Variants in PRR33 observed in about 807,000 individuals in gnomAD.
PRR33 encodes the protein proline-rich protein 33.
Under a neutral mutation model 0.5 loss-of-function variants are expected in PRR33, and 1 was observed. That is an observed-to-expected ratio of 2.18 (90% confidence interval 0.77 to 10.34). The LOEUF is 10.34. Ranked by LOEUF, PRR33 falls within the 30% of genes most tolerant of loss-of-function variation. The pLI is 0.13. For synonymous variants in PRR33, 226 were observed against 110.0 expected, an observed-to-expected ratio of 2.06 and a Z score of -6.60; for missense variants, 552 against 251.8, an observed-to-expected ratio of 2.19 and a Z score of -8.07.
upstream of PRR33, among the ~76,000 whole-genome samples, chr11:1,895,191 G>A (rs543768442): frequency 4.8e-4 from 73 of 151,760 alleles, no homozygotes; most frequent in African/African-American, 1.7e-3. Flanking sequence ...GGAGTGCAGT[G>A]GCGCCATCTT....
At chr11:1,915,644 G>T in the PRR33 span, among the ~76,000 whole-genome samples, 1 of 2,506 alleles carries the variant, frequency 4.0e-4, no homozygotes, top group Non-Finnish European at 7.4e-4. Context: ...TGTGTTGTGG[G>T]GGGTGATGTT....
chr11:1,917,664 G>A, the PRR33 span, among the ~76,000 whole-genome samples: 1 of 152,244 alleles, frequency 6.6e-6, no homozygotes, highest in African/African-American at 2.4e-5. Flanking sequence ...GAGGCCGCTG[G>A]TGCCTGCTCT....
chr11:1,916,640 C>T, the PRR33 span, among the ~76,000 whole-genome samples: 3 of 152,278 alleles, frequency 2.0e-5, no homozygotes, highest in South Asian at 4.1e-4. Flanking sequence ...TTGGGGTCAG[C>T]AGTGCTGAGG....
At chr11:1,905,729 C>A in the PRR33 span, among the ~76,000 whole-genome samples, 2 of 151,928 alleles carry the variant, frequency 1.3e-5, no homozygotes, top group South Asian at 4.1e-4. Context: ...GCTGGGATTA[C>A]AGGTGTGAGC....
exon 1 of PRR33, chr11:1,889,683 C>A: frequency 1.6e-6 from 1 of 633,984 alleles, no homozygotes; most frequent in South Asian, 1.9e-5. Flanking sequence ...AGCGGCGGGG[C>A]CAGCCATCGG....
the PRR33 span, among the ~76,000 whole-genome samples, chr11:1,911,925 C>T: frequency 6.9e-6 from 1 of 145,054 alleles, no homozygotes; most frequent in Non-Finnish European, 1.5e-5. Context: ...CTTTGGGAGG[C>T]CGAGCTGGGA....
chr11:1,900,063 A>C, the PRR33 span, among the ~76,000 whole-genome samples: 1 of 151,152 alleles, frequency 6.6e-6, no homozygotes, highest in African/African-American at 2.4e-5. Context: ...ATATATATAA[A>C]ATTTGGATTA....
upstream of PRR33, among the ~76,000 whole-genome samples, chr11:1,894,503 C>T (rs1359675972): frequency 6.6e-6 from 1 of 152,176 alleles, no homozygotes; most frequent in Non-Finnish European, 1.5e-5. Flanking sequence ...TCCCAGAGTG[C>T]TGGGATTACA....
At chr11:1,905,625 G>A in the PRR33 span, among the ~76,000 whole-genome samples, 1 of 150,304 alleles carries the variant, frequency 6.7e-6, no homozygotes, top group South Asian at 2.1e-4. Flanking sequence ...TTTTGGTAGA[G>A]ACGGGGTTTC....
the PRR33 span, among the ~76,000 whole-genome samples, chr11:1,917,123 C>A: frequency 6.6e-6 from 1 of 152,240 alleles, no homozygotes; most frequent in African/African-American, 2.4e-5. Context: ...TTCCCAAGTG[C>A]TGTGTCAGCT....
At chr11:1,915,769 G>C in the PRR33 span, among the ~76,000 whole-genome samples, 2 of 145,192 alleles carry the variant, frequency 1.4e-5, no homozygotes, top group Non-Finnish European at 3.0e-5. Context: ...AGGGATGGAT[G>C]GATGAAGGGA....
chr11:1,906,685 C>T, the PRR33 span, among the ~76,000 whole-genome samples: 1 of 152,212 alleles, frequency 6.6e-6, no homozygotes, highest in Non-Finnish European at 1.5e-5. Context: ...GAGCCCCCCA[C>T]CGCTGTGCGT....
the PRR33 span, among the ~76,000 whole-genome samples, chr11:1,906,686 C>T: frequency 2.0e-5 from 3 of 152,170 alleles, no homozygotes; most frequent in South Asian, 2.1e-4. Flanking sequence ...AGCCCCCCAC[C>T]GCTGTGCGTG....
the PRR33 span, among the ~76,000 whole-genome samples, chr11:1,901,167 T>C: frequency 6.6e-6 from 1 of 152,004 alleles, no homozygotes; most frequent in Non-Finnish European, 1.5e-5. Context: ...ACAAAATTAG[T>C]CGGGCGTTGT....
chr11:1,910,722 G>A, the PRR33 span, among the ~76,000 whole-genome samples: 3 of 152,164 alleles, frequency 2.0e-5, no homozygotes, highest in African/African-American at 4.8e-5. Context: ...CATTCTTAAC[G>A]CTATCATTTC....
the PRR33 span, among the ~76,000 whole-genome samples, chr11:1,907,044 T>C: frequency 4.6e-5 from 7 of 152,306 alleles, no homozygotes; most frequent in South Asian, 1.5e-3. Context: ...TGAGGCCAAT[T>C]CCCAGCCCGG....
upstream of PRR33, among the ~76,000 whole-genome samples, chr11:1,896,828 T>G (rs1452423409): frequency 2.0e-5 from 3 of 152,270 alleles, no homozygotes; most frequent in Non-Finnish European, 4.4e-5. Context: ...TGAGTGATGT[T>G]TTTTAAACAA....
the PRR33 span, among the ~76,000 whole-genome samples, chr11:1,907,042 A>G: frequency 1.5e-4 from 23 of 152,240 alleles, no homozygotes; most frequent in Non-Finnish European, 3.4e-4. Context: ...CCTGAGGCCA[A>G]TTCCCAGCCC....
At chr11:1,916,425 A>C in the PRR33 span, among the ~76,000 whole-genome samples, 1 of 151,958 alleles carries the variant, frequency 6.6e-6, no homozygotes, top group East Asian at 1.9e-4. Flanking sequence ...ACGTGCCCCC[A>C]TCCTTTCTCA....
Sources: gnomAD v4.1 joint callset for allele counts (sites outside exome capture counted in the v4.1 genomes callset) on GRCh38, gnomAD v4.1.1 for gene constraint, MANE v1.5 for transcripts, NCBI Gene and HGNC (gene_info 2026-07-23, HGNC 2026-07-21) for gene names.